ZNF536: variants seen among roughly 807,000 people sequenced by gnomAD.
ZNF536 encodes zinc finger protein 536.
In ZNF536, 13 loss-of-function variants were observed where a neutral mutation model predicts 84.5. The ratio of observed to expected loss-of-function variants is 0.15; its 90% CI spans 0.10 to 0.24. ZNF536 has a LOEUF of 0.24. Among genes scored for constraint, ZNF536 ranks in the 10% least tolerant of loss-of-function variants. The pLI, the probability that ZNF536 is intolerant of heterozygous loss-of-function variation, is 1.00. For synonymous variants in ZNF536, 811 were observed against 742.5 expected (o/e 1.09, Z -1.50); for missense variants, 1,536 against 1,747.5 (o/e 0.88, Z 2.16).
chr19:30,546,535 G>T lies in ZNF536; in HGVS notation c.2324-1408G>T, dbSNP rs192202914. 2.2e-4 allele frequency among the ~76,000 whole-genome samples: 34 copies of T among 152,270 alleles called. 1 individual carries two copies. The East Asian group carries it at 6.4e-3, about 29-fold the overall frequency. On this transcript the variant is annotated intron_variant, in intron 3 of 4. Coordinates refer to ENST00000355537, the MANE Select transcript of ZNF536 (RefSeq NM_014717.3). ...TCTCCTGCTCAGAACCAGGCTGGTG[G>T]CCCTCTTGCTCACAAAGTCCACGCC...
intron 1 of ZNF536, among the ~76,000 whole-genome samples, chr19:30,693,822 G>A (rs780301918): frequency 3.3e-5 from 5 of 152,134 alleles, no homozygotes. Flanking sequence ...TATATACTGT[G>A]GGTATGGATT....
chr19:30,577,277 G>C (rs142216507), intron 1 of ZNF536, among the ~76,000 whole-genome samples: 8 of 152,202 alleles, frequency 5.3e-5, no homozygotes, highest in Middle Eastern at 3.4e-3. Context: ...GTTTTAGTCT[G>C]AATTACATAT....
At chr19:30,695,264 G>C (rs2051608335) in intron 1 of ZNF536, among the ~76,000 whole-genome samples, 1 of 152,152 alleles carries the variant, frequency 6.6e-6, no homozygotes. Flanking sequence ...GCTCTGAGCA[G>C]GGTGTGCATA....
At chr19:30,424,682 G>A (rs527664324) in intron 1 of ZNF536, among the ~76,000 whole-genome samples, 3 of 152,146 alleles carry the variant, frequency 2.0e-5, no homozygotes, top group Admixed American at 6.5e-5. Flanking sequence ...AAATCCACAC[G>A]GCCTTCTTTC....
chr19:30,225,691 G>GA (rs1050429611), upstream of ZNF536, among the ~76,000 whole-genome samples: 2 of 148,686 alleles, frequency 1.3e-5, no homozygotes, highest in African/African-American at 4.9e-5. Flanking sequence ...CAAAGGTGGG[G>GA]GGGGGATCGC....
intron 2 of ZNF536, among the ~76,000 whole-genome samples, chr19:30,503,379 T>C (rs1289658732): frequency 1.3e-5 from 2 of 152,118 alleles, no homozygotes; most frequent in Non-Finnish European, 2.9e-5. Context: ...GAAATACAAA[T>C]GGTCAATAAT....
chr19:30,712,702 C>G (rs1294933671), exon 2 of ZNF536: 1 of 152,172 alleles, frequency 6.6e-6, no homozygotes, highest in East Asian at 1.9e-4. Flanking sequence ...ATAGAGCAAG[C>G]TGCTTTCTTG....
intron 3 of ZNF536, among the ~76,000 whole-genome samples, chr19:30,358,849 G>A (rs1275123512): frequency 6.6e-6 from 1 of 152,210 alleles, no homozygotes; most frequent in Non-Finnish European, 1.5e-5. Context: ...AGCTCAGGCT[G>A]GGGCACGTTT....
At chr19:30,682,701 C>G (rs777247129) in intron 1 of ZNF536, among the ~76,000 whole-genome samples, 2 of 152,156 alleles carry the variant, frequency 1.3e-5, no homozygotes, top group Non-Finnish European at 2.9e-5. Flanking sequence ...CTCCCCTCAG[C>G]CCGGAGGGGA....
chr19:30,484,067 C>A (rs947593866), intron 2 of ZNF536, among the ~76,000 whole-genome samples: 1 of 152,054 alleles, frequency 6.6e-6, no homozygotes, highest in Non-Finnish European at 1.5e-5. Flanking sequence ...CCCAGCCCAT[C>A]CCCGCTGGTG....
chr19:30,472,263 T>C (rs1252382795), intron 2 of ZNF536, among the ~76,000 whole-genome samples: 1 of 150,488 alleles, frequency 6.6e-6, no homozygotes, highest in Admixed American at 6.6e-5. Flanking sequence ...TGTACATTAT[T>C]GGTCAGCATC....
intron 1 of ZNF536, among the ~76,000 whole-genome samples, chr19:30,639,254 A>G (rs768493912): frequency 6.6e-6 from 1 of 152,250 alleles, no homozygotes; most frequent in African/African-American, 2.4e-5. Flanking sequence ...TAAATTTTGT[A>G]GTAGCAACAT....
chr19:30,629,811 G>A (rs764305813), intron 1 of ZNF536, among the ~76,000 whole-genome samples: 27 of 152,200 alleles, frequency 1.8e-4, no homozygotes, highest in Non-Finnish European at 2.8e-4. Flanking sequence ...TTCTGGGGCC[G>A]GGCAGGGGAA....
At chr19:30,472,914 G>A (rs772249059) in intron 2 of ZNF536, among the ~76,000 whole-genome samples, 6 of 151,948 alleles carry the variant, frequency 3.9e-5, no homozygotes, top group Non-Finnish European at 7.4e-5. Flanking sequence ...GGTAGAGGCC[G>A]GGTGAGGTGG....
intron 1 of ZNF536, among the ~76,000 whole-genome samples, chr19:30,416,632 C>A (rs2050745821): frequency 6.6e-6 from 1 of 152,078 alleles, no homozygotes; most frequent in Non-Finnish European, 1.5e-5. Flanking sequence ...GGGAAGAGGG[C>A]AGGCTTTCTC....
In ZNF536 at chr19:30,669,128, G is replaced by C. The variant is rs980621419; in HGVS notation, c.170-41629G>C. On this transcript the variant is annotated intron_variant, in intron 1 of 1. Transcript: ENST00000592773. ...GCTAGATCATTCCTGGAGGGAAGGG[G>C]ACAGCAGGAGCAATTGTCCCAATGC... Among the ~76,000 whole-genome samples, 14 of 152,244 alleles carry C rather than the reference G, an allele frequency of 9.2e-5. 1 individual carries two copies. The highest frequency in any genetic ancestry group is 2.9e-5 in the Non-Finnish European group (2 of 68,046).
chr19:30,482,452 G>A (rs914549254), intron 2 of ZNF536, among the ~76,000 whole-genome samples: 6 of 152,102 alleles, frequency 3.9e-5, no homozygotes, highest in African/African-American at 1.4e-4. Context: ...CCTAACCATT[G>A]TCCCATCACT....
In ZNF536 at chr19:30,549,391, C is replaced by G. The variant is rs1381244792; in HGVS notation, c.3772C>G (p.Leu1258Val). ...LPKPERGPQSLDKPMNMLSVL... is the reference protein window; with the variant it reads ...LPKPERGPQSVDKPMNMLSVL... ...AAAGCCGGAGCGGGGGCCCCAGAGC[C>G]TGGACAAGCCGATGAACATGCTGTC... The change falls in exon 4 of 5, where the codon CTG becomes GTG. Residue 1258 changes from leucine to valine, a missense_variant. Physicochemically the swap from Leu to Val is conservative, Grantham distance 32. Coordinates refer to ENST00000355537, the MANE Select transcript of ZNF536 (RefSeq NM_014717.3). The G allele has an allele frequency of 6.3e-7, 1 of 1,594,430 alleles. No homozygotes were observed. The highest frequency in any genetic ancestry group is 8.5e-7 in the Non-Finnish European group (1 of 1,170,072).
intron 2 of ZNF536, among the ~76,000 whole-genome samples, chr19:30,324,141 TCATC>T (rs767325547): frequency 1.5e-3 from 223 of 151,880 alleles, no homozygotes; most frequent in African/African-American, 5.1e-3. Flanking sequence ...TACCCATGCA[TCATC>T]CATCCATCCA....
Sources: allele counts gnomAD v4.1 joint callset (sites outside exome capture counted in the v4.1 genomes callset), GRCh38; gene constraint gnomAD v4.1.1; transcripts MANE v1.5; gene names NCBI Gene and HGNC (gene_info 2026-07-23, HGNC 2026-07-21).